The following NEUROD4 variants were observed in gnomAD, a reference collection of about 807,000 sequenced individuals.
The protein encoded by NEUROD4 is neuronal differentiation 4.
In NEUROD4, 16 loss-of-function variants were observed where a neutral mutation model predicts 19.8. The observed-to-expected ratio is 0.81, with a 90% CI of 0.55 to 1.23. The LOEUF is 1.23. NEUROD4 is among the 50% of genes most tolerant of loss of function. The pLI, the probability that NEUROD4 is intolerant of heterozygous loss-of-function variation, is 0.00. For missense variants in NEUROD4, 439 were observed against 398.6 expected (o/e 1.10, Z -0.86); for synonymous variants, 153 against 147.9 (o/e 1.03, Z -0.25).
rs144737291 is a variant in NEUROD4, at chr12:55,028,888, A to AT, written c.*1461dup. The AT allele has an allele frequency of 0.057, 9,439 of 166,448 alleles. 749 individuals are homozygous for AT. Among genetic ancestry groups the AT allele is most frequent in the African/African-American group, 0.18 (7,578 of 41,282 alleles). 10.3% of individuals were successfully genotyped at this position (166,448 alleles called of 1,614,324 possible). A position where few individuals can be genotyped will look rare whatever the true frequency, so the allele number is the denominator to read the frequency against. On this transcript the variant is annotated 3_prime_UTR_variant, in exon 2 of 2. Coordinates refer to ENST00000242994, the MANE Select transcript of NEUROD4 (RefSeq NM_021191.3). ...TCAATGCTAACTTCATCAAATTTGT[A>AT]TTTTTTTTCAGAAAATGGGACCTGA... is the stretch of plus-strand genomic sequence containing the variant.
intron 1 of NEUROD4, among the ~76,000 whole-genome samples, chr12:55,020,642 G>A (rs779370551): frequency 1.4e-4 from 22 of 152,056 alleles, no homozygotes; most frequent in Non-Finnish European, 2.1e-4. Flanking sequence ...TGAAAATGTC[G>A]AAAAGTTTAA....
chr12:55,027,334 C>T lies in NEUROD4; in HGVS notation c.895C>T (p.Gln299Ter), dbSNP rs867913686. 6.2e-7 allele frequency: 1 copy of T among 1,614,138 alleles called. No individual in the cohort carries two copies. The highest frequency in any genetic ancestry group is 2.2e-5 in the East Asian group (1 of 44,878). ...AGGGCATGTGCATTCAACTCCTTTT[C>T]AGGCTGGTACCCCCCGTTATGATGT... ...SSGHVHSTPF[Q>*]AGTPRYDVPI... Residue 299 changes from glutamine (Q) to a stop codon, truncating the protein, a stop_gained, in exon 2 of 2, where the codon CAG becomes TAG. Transcript: ENST00000242994. LOFTEE classifies it high-confidence loss of function.
chr12:55,025,006 A>G (rs1034827599), intron 1 of NEUROD4, among the ~76,000 whole-genome samples: 4 of 152,262 alleles, frequency 2.6e-5, no homozygotes, highest in Non-Finnish European at 5.9e-5. Context: ...ATCAAAGAAC[A>G]GAAAACATTT....
At position 55,026,412 on chromosome 12, in the gene NEUROD4, T is replaced by C. The variant is rs1952729070; in HGVS notation, c.-9-19T>C. On this transcript the variant is annotated intron_variant, in intron 1 of 1. Coordinates refer to ENST00000242994, the MANE Select transcript of NEUROD4 (RefSeq NM_021191.3). Reference sequence around the variant, plus strand: ...TCAGGTACTCACAGGAATTAACCTTTGATATTTCCCTTTTCCAGAGTCTGG... The same window carrying C: ...TCAGGTACTCACAGGAATTAACCTTCGATATTTCCCTTTTCCAGAGTCTGG... 1.3e-6 allele frequency: 2 copies of C among 1,565,058 alleles called. No homozygotes were observed. The highest frequency in any genetic ancestry group is 8.6e-7 in the Non-Finnish European group (1 of 1,160,184).
rs1385760522 is a variant in NEUROD4, at chr12:55,026,763, T to A, written c.324T>A (p.Asp108Glu). 1 of 1,614,132 alleles carries A rather than the reference T, an allele frequency of 6.2e-7. No individual in the cohort carries two copies. The highest frequency in any genetic ancestry group is 1.1e-5 in the South Asian group (1 of 91,082). Residue 108 changes from aspartate (D) to glutamate (E), a missense_variant, in exon 2 of 2, where the codon GAT becomes GAA. Transcript: ENST00000242994. ...TGCATGGCCTGAATGACGCCCTGGA[T>A]AACCTGAGGCGAGTCATGCCATGCT... is the stretch of plus-strand genomic sequence containing the variant. Reference protein sequence around the residue: ...TRMHGLNDALDNLRRVMPCYS... With the variant: ...TRMHGLNDALENLRRVMPCYS...
intron 1 of NEUROD4, among the ~76,000 whole-genome samples, chr12:55,021,740 C>T (rs2135011): frequency 0.37 from 56,722 of 151,730 alleles, 11,411 homozygotes; most frequent in African/African-American, 0.51. Context: ...ACTGAAAGAC[C>T]CTATAGAACG....
Position 55,026,649 on chromosome 12 carries a change from G to C in NEUROD4, c.210G>C (p.Arg70Ser). 1 of 1,613,894 alleles carries C rather than the reference G, an allele frequency of 6.2e-7. No homozygotes were observed. The part of the protein sequence containing the change: ...EEEDGEKPKR[R>S]GPKKKKMTKA... ...AAGATGGGGAGAAACCTAAGAGAAG[G>C]GGTCCCAAGAAAAAGAAGATGACCA... Residue 70 changes from arginine (R) to serine (S), a missense_variant, in exon 2 of 2, where the codon AGG becomes AGC. Arg to Ser is a moderately radical substitution (Grantham distance 110, BLOSUM62 -1). Coordinates refer to ENST00000242994, the MANE Select transcript of NEUROD4 (RefSeq NM_021191.3).
At position 55,026,761 on chromosome 12, in the gene NEUROD4, G is replaced by A; in HGVS notation, c.322G>A (p.Asp108Asn). The change falls in exon 2 of 2, where the codon GAT becomes AAT. Residue 108 changes from aspartate (D) to asparagine (N), a missense_variant. Transcript: ENST00000242994. ...GATGCATGGCCTGAATGACGCCCTG[G>A]ATAACCTGAGGCGAGTCATGCCATG... is the stretch of plus-strand genomic sequence containing the variant. Reference protein sequence around the residue: ...TRMHGLNDALDNLRRVMPCYS... With the variant: ...TRMHGLNDALNNLRRVMPCYS... 6.2e-7 allele frequency: 1 copy of A among 1,614,144 alleles called. No individual in the cohort carries two copies. The highest frequency in any genetic ancestry group is 8.5e-7 in the Non-Finnish European group (1 of 1,180,008).
At chr12:55,022,550 A>G (rs1245096078) in intron 1 of NEUROD4, among the ~76,000 whole-genome samples, 1 of 152,086 alleles carries the variant, frequency 6.6e-6, no homozygotes, top group Non-Finnish European at 1.5e-5. Context: ...TTATCCTCAG[A>G]GCTCTGCCAT....
rs1354412361 is a variant in NEUROD4, at chr12:55,028,395, C to T, written c.*960C>T. Reference sequence around the variant, plus strand: ...AGGTGCTGCTGTTAGAATCAGCACACAACACAGGTTTATATTAAAGAGCAA... The same window carrying T: ...AGGTGCTGCTGTTAGAATCAGCACATAACACAGGTTTATATTAAAGAGCAA... On this transcript the variant is annotated 3_prime_UTR_variant, in exon 2 of 2. Transcript: ENST00000242994. 1.8e-5 allele frequency: 3 copies of T among 166,942 alleles called. No homozygotes were observed. The highest frequency in any genetic ancestry group is 7.3e-5 in the African/African-American group (3 of 41,372). The allele number at this position is 166,942 out of a possible 1,614,324, so 10.3% of individuals were successfully genotyped here.
chr12:55,028,644 T>A lies in NEUROD4; in HGVS notation c.*1209T>A, dbSNP rs1198566710. ...TAAATTTTTCCAACATATATGTAGTTCCTTATCTCTCCCCCTACACTAATT... is the reference window on the plus strand; with the variant it reads ...TAAATTTTTCCAACATATATGTAGTACCTTATCTCTCCCCCTACACTAATT... On this transcript the variant is annotated 3_prime_UTR_variant, in exon 2 of 2. Coordinates refer to ENST00000242994, the MANE Select transcript of NEUROD4 (RefSeq NM_021191.3). The A allele has an allele frequency of 6.0e-6, 1 of 167,004 alleles. No homozygotes were observed. Among genetic ancestry groups the A allele is most frequent in the Non-Finnish European group, 1.5e-5 (1 of 68,094 alleles). 10.3% of individuals were successfully genotyped at this position (167,004 alleles called of 1,614,324 possible). A position where few individuals can be genotyped will look rare whatever the true frequency, so the allele number is the denominator to read the frequency against.
At position 55,027,776 on chromosome 12, in the gene NEUROD4, A is replaced by G; in HGVS notation, c.*341A>G. On this transcript the variant is annotated 3_prime_UTR_variant, in exon 2 of 2. Transcript: ENST00000242994. ...TCTGGCCTTTGTTTATTTACTAGCAATTGTAAATAAACAAATTGTATTTAT... is the reference window on the plus strand; with the variant it reads ...TCTGGCCTTTGTTTATTTACTAGCAGTTGTAAATAAACAAATTGTATTTAT... 2 of 225,822 alleles carry G rather than the reference A, an allele frequency of 8.9e-6. No individual in the cohort carries two copies. The allele number at this position is 225,822 out of a possible 1,614,324, so 14.0% of individuals were successfully genotyped here. A position where few individuals can be genotyped will look rare whatever the true frequency, so the allele number is the denominator to read the frequency against.
intron 1 of NEUROD4, among the ~76,000 whole-genome samples, chr12:55,023,979 G>A (rs1165934696): frequency 6.6e-6 from 1 of 152,090 alleles, no homozygotes; most frequent in Non-Finnish European, 1.5e-5. Flanking sequence ...TGGTGAAAAA[G>A]GCTAAATCCC....
intron 1 of NEUROD4, among the ~76,000 whole-genome samples, chr12:55,025,714 A>G (rs982555321): frequency 6.6e-6 from 1 of 152,138 alleles, no homozygotes; most frequent in African/African-American, 2.4e-5. Flanking sequence ...CACGTGTTGG[A>G]CCAGCCAGTG....
At position 55,026,744 on chromosome 12, in the gene NEUROD4, G is replaced by C; in HGVS notation, c.305G>C (p.Gly102Ala). Reference sequence around the variant, plus strand: ...GCCAGAGAACGGACCCGGATGCATGGCCTGAATGACGCCCTGGATAACCTG... The same window carrying C: ...GCCAGAGAACGGACCCGGATGCATGCCCTGAATGACGCCCTGGATAACCTG... Reference protein sequence around the residue: ...ANARERTRMHGLNDALDNLRR... With the variant: ...ANARERTRMHALNDALDNLRR... The change falls in exon 2 of 2, where the codon GGC becomes GCC. Residue 102 changes from glycine to alanine, a missense_variant. By Grantham distance (60) the Gly-to-Ala change is moderately conservative. Transcript: ENST00000242994. 6.2e-7 allele frequency: 1 copy of C among 1,614,156 alleles called. No individual in the cohort carries two copies. Among genetic ancestry groups the C allele is most frequent in the Non-Finnish European group, 8.5e-7 (1 of 1,180,010 alleles).
chr12:55,022,895 A>C (rs1386551927), intron 1 of NEUROD4, among the ~76,000 whole-genome samples: 1 of 152,146 alleles, frequency 6.6e-6, no homozygotes, highest in Non-Finnish European at 1.5e-5. Context: ...AATCAATATT[A>C]ATAACAGATT....
At position 55,026,587 on chromosome 12, in the gene NEUROD4, G is replaced by A. The variant is rs760713144; in HGVS notation, c.148G>A (p.Glu50Lys). Reference sequence around the variant, plus strand: ...TGGGATGCTCAGCAGCTTAACTGAAGAGCATGACAGTATTGAGGAAGAAGA... The same window carrying A: ...TGGGATGCTCAGCAGCTTAACTGAAAAGCATGACAGTATTGAGGAAGAAGA... The part of the protein sequence containing the change: ...TYGMLSSLTE[E>K]HDSIEEEEEE... Residue 50 changes from glutamate to lysine, a missense_variant, in exon 2 of 2, where the codon GAG (glutamate) becomes AAG (lysine). Transcript: ENST00000242994. 1 of 1,613,992 alleles carries A rather than the reference G, an allele frequency of 6.2e-7. No individual in the cohort carries two copies. The highest frequency in any genetic ancestry group is 1.1e-5 in the South Asian group (1 of 91,060).
In NEUROD4 at chr12:55,026,592, T is replaced by G. The variant is rs766474697; in HGVS notation, c.153T>G (p.His51Gln). 2 of 1,613,722 alleles carry G rather than the reference T, an allele frequency of 1.2e-6. No homozygotes were observed. Among genetic ancestry groups the G allele is most frequent in the South Asian group, 1.1e-5 (1 of 91,056 alleles). The change falls in exon 2 of 2, where the codon CAT (histidine) becomes CAG (glutamine). Residue 51 changes from histidine (H) to glutamine (Q), a missense_variant. Coordinates refer to ENST00000242994, the MANE Select transcript of NEUROD4 (RefSeq NM_021191.3). ...YGMLSSLTEEHDSIEEEEEEE... is the reference protein window; with the variant it reads ...YGMLSSLTEEQDSIEEEEEEE... Reference sequence around the variant, plus strand: ...TGCTCAGCAGCTTAACTGAAGAGCATGACAGTATTGAGGAAGAAGAAGAAG... The same window carrying G: ...TGCTCAGCAGCTTAACTGAAGAGCAGGACAGTATTGAGGAAGAAGAAGAAG...
At chr12:55,024,643 C>A (rs1952706283) in intron 1 of NEUROD4, among the ~76,000 whole-genome samples, 1 of 152,212 alleles carries the variant, frequency 6.6e-6, no homozygotes, top group African/African-American at 2.4e-5. Context: ...CTCTGGATAT[C>A]TGCCTGAGTT....
Sources: allele counts gnomAD v4.1 joint callset (sites outside exome capture counted in the v4.1 genomes callset), GRCh38; gene constraint gnomAD v4.1.1; transcripts MANE v1.5; gene names NCBI Gene and HGNC (gene_info 2026-07-23, HGNC 2026-07-21).